The following CNOT1 variants were observed in gnomAD, a reference collection of about 807,000 sequenced individuals.
CNOT1 encodes CCR4-NOT transcription complex subunit 1, also known as CCR4-associated factor 1.
In CNOT1, 15 loss-of-function variants were observed where a neutral mutation model predicts 273.8. That is an observed-to-expected ratio of 0.05 (90% CI 0.04 to 0.08). The LOEUF is 0.08. Ranked by LOEUF, CNOT1 falls within the 10% of genes least tolerant of loss-of-function variation. CNOT1 has a pLI of 1.00. For missense variants in CNOT1, 1,644 were observed against 2,912.2 expected (o/e 0.56, Z 10.02); for synonymous variants, 1,022 against 1,005.5 (o/e 1.02, Z -0.31).
intron 21 of CNOT1, among the ~76,000 whole-genome samples, chr16:58,554,144 C>CA (rs1853084969): frequency 6.6e-6 from 1 of 151,974 alleles, no homozygotes; most frequent in Admixed American, 6.6e-5. Context: ...TTCAAATTTT[C>CA]ACCAACATAC....
Position 58,575,004 on chromosome 16 carries a change from T to C in CNOT1, c.1827+3A>G. 6.2e-7 allele frequency: 1 copy of C among 1,613,324 alleles called. No individual in the cohort carries two copies. Among genetic ancestry groups the C allele is most frequent in the South Asian group, 1.1e-5 (1 of 90,738 alleles). Reference sequence around the variant, plus strand: ...CAAAAATAAATGAACAAATCCTGCTTACCCCATGCTCTCGAATTTTATCTG... The same window carrying C: ...CAAAAATAAATGAACAAATCCTGCTCACCCCATGCTCTCGAATTTTATCTG... On this transcript the variant is annotated splice_donor_region_variant and intron_variant, in intron 15 of 48. Transcript: ENST00000317147.
At chr16:58,536,474 C>A (rs565915160) in intron 39 of CNOT1, among the ~76,000 whole-genome samples, 53 of 152,280 alleles carry the variant, frequency 3.5e-4, no homozygotes, top group African/African-American at 1.2e-3. Context: ...TTGTTCCTAA[C>A]CCTTTTAAGT....
chr16:58,591,255 T>TA (rs2042042065), intron 2 of CNOT1, among the ~76,000 whole-genome samples: 1 of 152,114 alleles, frequency 6.6e-6, no homozygotes, highest in African/African-American at 2.4e-5. Context: ...GTTATCAACC[T>TA]AAAAAAATAG....
rs762359959 is a variant in CNOT1 at position 58,578,711 on chromosome 16, T to C, written c.1572A>G (p.Ala524=). Residue 524 remains alanine, a synonymous_variant, in exon 13 of 49, where the codon GCA becomes GCG. Transcript: ENST00000317147. ...HPNSAIILHY[A]WHGQGQSPSI... is the part of the protein sequence containing the mutation. The stretch of plus-strand genomic sequence containing the variant: ...GGTCACATCTTACCTGCCCATGCCA[T>C]GCATAGTGCAAAATAATAGCTGAGT... 10 of 1,614,036 alleles carry C rather than the reference T, an allele frequency of 6.2e-6. No individual in the cohort carries two copies. The highest frequency in any genetic ancestry group is 2.2e-5 in the South Asian group (2 of 91,084).
chr16:58,586,780 T>A (rs1376531444), intron 6 of CNOT1, 32 bp from the exon 7 acceptor site: 2 of 1,607,174 alleles, frequency 1.2e-6, no homozygotes, highest in Non-Finnish European at 1.7e-6. Flanking sequence ...AACCGCAAGT[T>A]ACTTTTGCAC....
chr16:58,555,595 T>C (rs2151936479), intron 20 of CNOT1, 58 bp from the exon 21 acceptor site: 3 of 1,568,728 alleles, frequency 1.9e-6, no homozygotes. Flanking sequence ...TAAGAGCCTT[T>C]CTCAAATATG....
intron 44 of CNOT1, among the ~76,000 whole-genome samples, chr16:58,527,095 T>C (rs1318486427): frequency 2.0e-5 from 3 of 152,138 alleles, no homozygotes; most frequent in Non-Finnish European, 4.4e-5. Flanking sequence ...AGTGGTCCTC[T>C]CTCTCCTTTA....
In CNOT1 at chr16:58,586,549, G is replaced by A; in HGVS notation, c.633C>T (p.Arg211=). The change falls in exon 7 of 49, where the codon CGC becomes CGT. Residue 211 remains arginine (R), a synonymous_variant. Transcript: ENST00000317147. The stretch of plus-strand genomic sequence containing the variant: ...AGGCTACAAAGACTCCCTTACCTCT[G>A]CGCAGCGTCTTAAGAAAAGCGTCTA... ...EQIDAFLKTL[R]RDFPQERCPV... is the part of the protein sequence containing the mutation. 3 of 1,610,008 alleles carry A rather than the reference G, an allele frequency of 1.9e-6. No individual in the cohort carries two copies. Among genetic ancestry groups the A allele is most frequent in the Non-Finnish European group, 1.7e-6 (2 of 1,179,152 alleles).
At chr16:58,524,544 T>C (rs539837951) in intron 46 of CNOT1, among the ~76,000 whole-genome samples, 1 of 152,232 alleles carries the variant, frequency 6.6e-6, no homozygotes, top group African/African-American at 2.4e-5. Flanking sequence ...CATATAGGCA[T>C]GCAGCATATA....
intron 44 of CNOT1, chr16:58,528,218 T>C: frequency 5.6e-6 from 3 of 538,128 alleles, no homozygotes; most frequent in Non-Finnish European, 1.0e-5. Context: ...GTTCTGTAAA[T>C]AGAGCTAAAT....
chr16:58,605,151 A>T (rs1359601503), intron 1 of CNOT1, among the ~76,000 whole-genome samples: 1 of 151,688 alleles, frequency 6.6e-6, no homozygotes, highest in Non-Finnish European at 1.5e-5. Flanking sequence ...AAAAACAAAA[A>T]CAAACAAACA....
rs1358665464 is a variant in CNOT1 at position 58,576,465 on chromosome 16, T to C, written c.1702A>G (p.Lys568Glu). 1 of 1,614,080 alleles carries C rather than the reference T, an allele frequency of 6.2e-7. No individual in the cohort carries two copies. The highest frequency in any genetic ancestry group is 8.5e-7 in the Non-Finnish European group (1 of 1,179,990). ...TCAGTCTGTCCCTCTGAACTCACCTTCAAGTCCTGGGCCACATCAAGTATT... is the reference window on the plus strand; with the variant it reads ...TCAGTCTGTCCCTCTGAACTCACCTCCAAGTCCTGGGCCACATCAAGTATT... The part of the protein sequence containing the change: ...SRILDVAQDL[K>E]ALSMLLNGTP... Residue 568 changes from lysine (K) to glutamate (E), a missense_variant and splice_region_variant, in exon 14 of 49, where the codon AAG becomes GAG. Lys to Glu is a moderately conservative substitution (Grantham distance 56, BLOSUM62 1). Transcript: ENST00000317147.
intron 40 of CNOT1, among the ~76,000 whole-genome samples, chr16:58,533,807 A>G (rs1404881690): frequency 6.6e-6 from 1 of 152,084 alleles, no homozygotes; most frequent in Non-Finnish European, 1.5e-5. Flanking sequence ...TCTGGGCGAC[A>G]GAGCGAGACT....
In CNOT1 at chr16:58,585,566, C is replaced by G; in HGVS notation, c.638-60G>C. 1.9e-6 allele frequency: 3 copies of G among 1,561,326 alleles called. No individual in the cohort carries two copies. The South Asian group carries it at 3.6e-5, about 19-fold the overall frequency. On this transcript the variant is annotated intron_variant, in intron 7 of 48. Coordinates refer to ENST00000317147, the MANE Select transcript of CNOT1 (RefSeq NM_016284.5). ...ATTAAAAACAAACAATCCTCTTTTG[C>G]TCTATCCAAAATCCCCTCAAACCCA... is the stretch of plus-strand genomic sequence containing the variant.
In CNOT1 at chr16:58,583,886, G is replaced by A. The variant is rs537880423; in HGVS notation, c.807-704C>T. Among the ~76,000 whole-genome samples the A allele has an allele frequency of 1.1e-4, 17 of 151,790 alleles. No homozygotes were observed. The South Asian group carries it at 3.5e-3, about 32-fold the overall frequency. On this transcript the variant is annotated intron_variant, in intron 8 of 48. Transcript: ENST00000317147. ...AAACAATTTTAAAAAATCAGTGTAA[G>A]AGCCGGGTGTGGTGGCTCACGCCTG...
Position 58,597,240 on chromosome 16 carries a change from G to A in CNOT1, c.102+1996C>T, listed in dbSNP as rs940492779. On this transcript the variant is annotated intron_variant, in intron 2 of 48. Transcript: ENST00000317147. ...TGTAATCACAGCACTTTGGGAAGCC[G>A]AGGCGGGCACATGGCCTGAGGTCAG... is the stretch of plus-strand genomic sequence containing the variant. Among the ~76,000 whole-genome samples, 34 of 151,988 alleles carry A rather than the reference G, an allele frequency of 2.2e-4. 1 individual carries two copies. Among genetic ancestry groups the A allele is most frequent in the East Asian group, 1.9e-4 (1 of 5,178 alleles).
rs58419483 is a variant in CNOT1, at chr16:58,526,817, CAAA to C, written c.6454-682_6454-680del. Among the ~76,000 whole-genome samples the C allele has an allele frequency of 9.8e-3, 860 of 88,092 alleles. 10 individuals are homozygous for C. The highest frequency in any genetic ancestry group is 0.03 in the Middle Eastern group (5 of 168). The allele number at this position is 88,092 out of a possible 152,430, so 57.8% of individuals were successfully genotyped here. The stretch of plus-strand genomic sequence containing the variant: ...GGGCAACAAGAACGAAACTCCGTCT[CAAA>C]AAAAAAAAAAAAAAAAAAAATGCAT... On this transcript the variant is annotated intron_variant, in intron 44 of 48. Transcript: ENST00000317147.
rs752663788 is a variant in CNOT1 at position 58,555,309 on chromosome 16, G to A, written c.2833C>T (p.Pro945Ser). The change falls in exon 21 of 49, where the codon CCT becomes TCT. Residue 945 changes from proline to serine, a missense_variant. Around this residue, in one of 13 missense-constraint regions of CNOT1, gnomAD observed 74 missense variants for 184.6 expected, o/e 0.40. Transcript: ENST00000317147. The part of the protein sequence containing the change: ...LRYVLEALRK[P>S]FGSKMYYFGI... ...AAATAATACATTTTGGATCCAAAAG[G>A]CTTGCGTAAGGCTTCAAGAACATAT... is the stretch of plus-strand genomic sequence containing the variant. 2 of 1,614,026 alleles carry A rather than the reference G, an allele frequency of 1.2e-6. No homozygotes were observed. The highest frequency in any genetic ancestry group is 2.7e-5 in the African/African-American group (2 of 74,898).
intron 1 of CNOT1, among the ~76,000 whole-genome samples, chr16:58,619,781 C>CA (rs2043240609): frequency 6.6e-6 from 1 of 151,962 alleles, no homozygotes; most frequent in African/African-American, 2.4e-5. Context: ...TCTAGTCGTC[C>CA]AAAAAACTGC....
Sources: gnomAD v4.1 joint callset for allele counts (sites outside exome capture counted in the v4.1 genomes callset) on GRCh38, gnomAD v4.1.1 for gene constraint, gnomAD v4.1.1 regional missense constraint, MANE v1.5 for transcripts, NCBI Gene and HGNC (gene_info 2026-07-23, HGNC 2026-07-21) for gene names.